Variants in SDK1 observed in about 807,000 individuals in gnomAD.
SDK1 encodes the protein protein sidekick-1.
SDK1 carries 157 observed loss-of-function variants against 245.5 expected under a neutral mutation model. That is an observed-to-expected ratio of 0.64 (90% CI 0.56 to 0.73). The LOEUF is 0.73. Ranked by LOEUF, SDK1 falls within the 30% of genes least tolerant of loss-of-function variation. The probability of loss-of-function intolerance (pLI) is 0.00; values close to 1 mark genes in which losing one functional copy is unlikely to be tolerated. For synonymous variants in SDK1, 1,647 were observed against 1,278.5 expected (o/e 1.29, Z -6.15); for missense variants, 3,583 against 3,002.3 (o/e 1.19, Z -4.52).
chr7:4,156,325 G>C (rs550586455), intron 30 of SDK1, among the ~76,000 whole-genome samples: 1 of 152,300 alleles, frequency 6.6e-6, no homozygotes, highest in East Asian at 1.9e-4. Context: ...GGAACAGAGG[G>C]GAAATTGTTT....
Position 3,937,130 on chromosome 7 carries a change from G to C in SDK1, c.848-13793G>C, listed in dbSNP as rs182027950. On this transcript the variant is annotated intron_variant, in intron 5 of 44. Transcript: ENST00000404826. Reference sequence around the variant, plus strand: ...CTCAACAAGACTGCACCGAGATCTGGAGATGAAACTTCTCAGCTCTCTTAC... The same window carrying C: ...CTCAACAAGACTGCACCGAGATCTGCAGATGAAACTTCTCAGCTCTCTTAC... Among the ~76,000 whole-genome samples, 274 of 152,232 alleles carry C rather than the reference G, an allele frequency of 1.8e-3. 1 individual carries two copies. The highest frequency in any genetic ancestry group is 6.4e-3 in the African/African-American group (264 of 41,566).
chr7:3,616,601 C>T (rs1400367684), intron 1 of SDK1, among the ~76,000 whole-genome samples: 1 of 152,026 alleles, frequency 6.6e-6, no homozygotes, highest in East Asian at 1.9e-4. Flanking sequence ...TTGCCGTACT[C>T]ATAGATGCAA....
chr7:3,472,716 G>C (rs1781222094), intron 1 of SDK1, among the ~76,000 whole-genome samples: 1 of 152,184 alleles, frequency 6.6e-6, no homozygotes, highest in South Asian at 2.1e-4. Context: ...CTTTAACCTA[G>C]ATTACTGAAT....
intron 1 of SDK1, among the ~76,000 whole-genome samples, chr7:3,354,598 A>G (rs1458429736): frequency 6.6e-6 from 1 of 152,220 alleles, no homozygotes; most frequent in African/African-American, 2.4e-5. Flanking sequence ...AAATGTAATC[A>G]GTCTACATTT....
At chr7:4,208,685 C>A (rs1432028702) in intron 37 of SDK1, among the ~76,000 whole-genome samples, 1 of 152,202 alleles carries the variant, frequency 6.6e-6, no homozygotes, top group South Asian at 2.1e-4. Context: ...GGGGTAGGCT[C>A]CTCGGGCAGT....
intron 4 of SDK1, among the ~76,000 whole-genome samples, chr7:3,646,858 T>A (rs2880087): frequency 0.54 from 82,274 of 151,902 alleles, 22,988 homozygotes; most frequent in South Asian, 0.65. Flanking sequence ...GTGGAAAAGG[T>A]TAAATACCTT....
chr7:4,118,918 AAGAG>A (rs975816607), intron 25 of SDK1, among the ~76,000 whole-genome samples: 3 of 148,630 alleles, frequency 2.0e-5, no homozygotes, highest in East Asian at 3.9e-4. Flanking sequence ...TTCCTAGACT[AAGAG>A]AGAGCATTTG....
At chr7:3,977,935 C>T (rs1010795813) in intron 13 of SDK1, among the ~76,000 whole-genome samples, 3 of 152,178 alleles carry the variant, frequency 2.0e-5, no homozygotes, top group Admixed American at 6.5e-5. Context: ...GTTCCCTACT[C>T]GTACCTTGAT....
intron 5 of SDK1, among the ~76,000 whole-genome samples, chr7:3,950,497 A>G (rs1488181267): frequency 1.3e-5 from 2 of 152,198 alleles, no homozygotes; most frequent in Non-Finnish European, 2.9e-5. Flanking sequence ...AACTTTCATT[A>G]CATTATGTTA....
At chr7:3,862,728 CCT>C (rs1780724975) in intron 5 of SDK1, among the ~76,000 whole-genome samples, 2 of 152,146 alleles carry the variant, frequency 1.3e-5, no homozygotes, top group South Asian at 4.1e-4. Context: ...TTATTTGGGA[CCT>C]CTCTTAGTTC....
chr7:4,095,821 G>T (rs148328728), intron 22 of SDK1, among the ~76,000 whole-genome samples: 3 of 152,174 alleles, frequency 2.0e-5, no homozygotes, highest in Admixed American at 1.3e-4. Flanking sequence ...TGATCTGCCC[G>T]CTTCGGCCTC....
intron 5 of SDK1, among the ~76,000 whole-genome samples, chr7:3,901,708 G>A (rs948489958): frequency 2.6e-5 from 4 of 152,104 alleles, no homozygotes; most frequent in East Asian, 1.9e-4. Context: ...ACTCACTCAC[G>A]GGTGACTCTT....
intron 4 of SDK1, among the ~76,000 whole-genome samples, chr7:3,650,737 T>G (rs954407272): frequency 1.3e-5 from 2 of 152,148 alleles, no homozygotes; most frequent in Admixed American, 1.3e-4. Flanking sequence ...GCCCTAATAA[T>G]CACTAATCTG....
intron 5 of SDK1, among the ~76,000 whole-genome samples, chr7:3,861,376 T>G (rs1780688463): frequency 6.6e-6 from 1 of 152,224 alleles, no homozygotes; most frequent in African/African-American, 2.4e-5. Flanking sequence ...TCTTTAAAGT[T>G]GAAGCATCTT....
intron 38 of SDK1, among the ~76,000 whole-genome samples, chr7:4,210,844 C>T (rs550663313): frequency 1.3e-5 from 2 of 152,310 alleles, no homozygotes; most frequent in African/African-American, 2.4e-5. Context: ...AACAACAGCC[C>T]GAGCGTGATC....
chr7:3,835,226 T>A (rs536332397), intron 5 of SDK1, among the ~76,000 whole-genome samples: 1 of 152,338 alleles, frequency 6.6e-6, no homozygotes, highest in East Asian at 1.9e-4. Context: ...AGCTTCTTTG[T>A]CTGACTTAGT....
chr7:3,885,116 C>T (rs777901683), intron 5 of SDK1, among the ~76,000 whole-genome samples: 3 of 152,180 alleles, frequency 2.0e-5, no homozygotes, highest in African/African-American at 4.8e-5. Context: ...CTGCCCATCC[C>T]TAAGGCTGTT....
chr7:3,435,341 TTTTTTTTG>T (rs1779990014), intron 1 of SDK1, among the ~76,000 whole-genome samples: 1 of 133,492 alleles, frequency 7.5e-6, no homozygotes, highest in African/African-American at 3.0e-5. Context: ...TTTTTTTTTT[TTTTTTTTG>T]AGACGGAGTC....
intron 4 of SDK1, among the ~76,000 whole-genome samples, chr7:3,787,366 C>T (rs866467468): frequency 1.1e-4 from 17 of 152,146 alleles, no homozygotes; most frequent in African/African-American, 3.9e-4. Flanking sequence ...ACTTCATTTG[C>T]AGAAAAGCAA....
Sources: allele counts gnomAD v4.1 joint callset (sites outside exome capture counted in the v4.1 genomes callset), GRCh38; gene constraint gnomAD v4.1.1; transcripts MANE v1.5; gene names NCBI Gene and HGNC (gene_info 2026-07-23, HGNC 2026-07-21).